The following ANKS1B variants were observed in gnomAD, a reference collection of about 807,000 sequenced individuals.
ANKS1B encodes the protein ankyrin repeat and sterile alpha motif domain-containing protein 1B.
A neutral mutation model predicts 148.3 loss-of-function variants in ANKS1B; 36 were observed. The observed-to-expected ratio is 0.24, with a 90% CI of 0.19 to 0.32. The LOEUF is 0.32. Among genes scored for constraint, ANKS1B ranks in the 10% least tolerant of loss-of-function variants. The pLI, the probability that ANKS1B is intolerant of heterozygous loss-of-function variation, is 1.00. For synonymous variants in ANKS1B, 542 were observed against 560.8 expected (o/e 0.97, Z 0.47); for missense variants, 1,157 against 1,542.6 (o/e 0.75, Z 4.19).
chr12:99,113,793 C>G (rs1386452749), intron 15 of ANKS1B, among the ~76,000 whole-genome samples: 1 of 152,150 alleles, frequency 6.6e-6, no homozygotes, highest in Non-Finnish European at 1.5e-5. Context: ...TGGTGAAACT[C>G]TTATTTTTAA....
chr12:98,887,383 T>C (rs1002307361), intron 17 of ANKS1B, among the ~76,000 whole-genome samples: 1 of 152,204 alleles, frequency 6.6e-6, no homozygotes, highest in Non-Finnish European at 1.5e-5. Flanking sequence ...TATTGTCATA[T>C]TTTTGTAAAA....
intron 9 of ANKS1B, among the ~76,000 whole-genome samples, chr12:99,646,348 A>G (rs1302485203): frequency 2.0e-5 from 3 of 152,196 alleles, no homozygotes; most frequent in African/African-American, 7.2e-5. Flanking sequence ...TTATGTTTGC[A>G]TTGACTTATG....
At chr12:99,524,929 G>C (rs992855364) in intron 9 of ANKS1B, among the ~76,000 whole-genome samples, 2 of 152,196 alleles carry the variant, frequency 1.3e-5, no homozygotes, top group African/African-American at 4.8e-5. Context: ...ATTTGGGTGG[G>C]GACACAGCCA....
At chr12:98,995,671 A>C (rs1188045508) in intron 17 of ANKS1B, among the ~76,000 whole-genome samples, 1 of 152,236 alleles carries the variant, frequency 6.6e-6, no homozygotes, top group Admixed American at 6.5e-5. Context: ...GTATCTAAAT[A>C]TGTAAAACAA....
chr12:98,960,184 T>C (rs1169952949), intron 17 of ANKS1B, among the ~76,000 whole-genome samples: 2 of 152,152 alleles, frequency 1.3e-5, no homozygotes, highest in Non-Finnish European at 2.9e-5. Flanking sequence ...TGAGACCCAA[T>C]GCTGTGCTGA....
chr12:99,585,539 G>A (rs2097625581), intron 9 of ANKS1B, among the ~76,000 whole-genome samples: 1 of 152,156 alleles, frequency 6.6e-6, no homozygotes, highest in Non-Finnish European at 1.5e-5. Context: ...ACTAGGCAGT[G>A]CCCCAGTGCG....
intron 17 of ANKS1B, among the ~76,000 whole-genome samples, chr12:98,932,241 A>G (rs2099814327): frequency 6.6e-6 from 1 of 152,122 alleles, no homozygotes; most frequent in African/African-American, 2.4e-5. Context: ...TCCACCTCTG[A>G]GAATTCTTCA....
chr12:99,548,096 C>T (rs1348032653), intron 9 of ANKS1B, among the ~76,000 whole-genome samples: 1 of 152,140 alleles, frequency 6.6e-6, no homozygotes, highest in Non-Finnish European at 1.5e-5. Context: ...CATTACAGAA[C>T]AATATTGAAT....
chr12:99,076,232 C>T (rs1181131890), intron 16 of ANKS1B, among the ~76,000 whole-genome samples: 2 of 151,984 alleles, frequency 1.3e-5, no homozygotes, highest in South Asian at 2.1e-4. Context: ...CAAACCCAGA[C>T]GAGGGTTGAC....
intron 17 of ANKS1B, among the ~76,000 whole-genome samples, chr12:99,046,269 G>C (rs967166244): frequency 6.6e-6 from 1 of 151,164 alleles, no homozygotes; most frequent in Non-Finnish European, 1.5e-5. Context: ...ATATCTGTAG[G>C]AATAAAAAAA....
chr12:98,986,756 A>G (rs2099923663), intron 17 of ANKS1B, among the ~76,000 whole-genome samples: 1 of 152,136 alleles, frequency 6.6e-6, no homozygotes, highest in Admixed American at 6.5e-5. Flanking sequence ...CTGGGACTAC[A>G]GGTGTGTATC....
intron 11 of ANKS1B, among the ~76,000 whole-genome samples, chr12:99,413,504 T>A (rs12425986): frequency 0.27 from 40,414 of 152,000 alleles, 5,558 homozygotes; most frequent in East Asian, 0.43. Context: ...TTGATTTTTT[T>A]AAAAATCTAC....
At chr12:99,941,479 C>T (rs979898040) in intron 1 of ANKS1B, among the ~76,000 whole-genome samples, 5 of 151,718 alleles carry the variant, frequency 3.3e-5, no homozygotes, top group Non-Finnish European at 5.9e-5. Context: ...AAAAAAATAA[C>T]GACAGGGATA....
chr12:98,772,880 G>T, intron 25 of ANKS1B, 162 bp downstream of exon 25: 1 of 707,438 alleles, frequency 1.4e-6, no homozygotes, highest in Non-Finnish European at 2.2e-6. Context: ...CTCGGTCTGT[G>T]GTACTTTGTT....
At chr12:99,485,651 G>C (rs878987773) in intron 10 of ANKS1B, among the ~76,000 whole-genome samples, 24 of 152,002 alleles carry the variant, frequency 1.6e-4, no homozygotes, top group African/African-American at 5.1e-4. Flanking sequence ...TTCTCTCTCA[G>C]AAATGCCAAT....
chr12:99,655,175 T>A lies in ANKS1B; in HGVS notation c.1164A>T (p.Glu388Asp). The change falls in exon 9 of 27, where the codon GAA becomes GAT. Residue 388 changes from glutamate (E) to aspartate (D), a missense_variant. This residue lies in a region of ANKS1B where 661 missense variants were observed against 642.1 expected (regional missense o/e 1.03). Coordinates refer to ENST00000683438, the MANE Select transcript of ANKS1B (RefSeq NM_001352186.2). ...TTTCATCATCATCCTCTTCTTCCAC[T>A]TCTCCTGGTGACAAATTGATTGTAG... is the stretch of plus-strand genomic sequence containing the variant. ...TSSTINLSPG[E>D]VEEEDDDENT... 1.9e-6 allele frequency: 3 copies of A among 1,611,998 alleles called. No individual in the cohort carries two copies. Among genetic ancestry groups the A allele is most frequent in the Non-Finnish European group, 2.5e-6 (3 of 1,178,764 alleles).
intron 9 of ANKS1B, among the ~76,000 whole-genome samples, chr12:99,599,782 T>C (rs1331795117): frequency 6.6e-6 from 1 of 152,054 alleles, no homozygotes; most frequent in African/African-American, 2.4e-5. Flanking sequence ...CATGCAAATC[T>C]AGAGGTGTCT....
chr12:99,300,964 C>A (rs1330960929), intron 12 of ANKS1B, among the ~76,000 whole-genome samples: 1 of 152,068 alleles, frequency 6.6e-6, no homozygotes, highest in African/African-American at 2.4e-5. Context: ...GCTGAGAAGT[C>A]CCATGAGGTG....
At chr12:99,089,893 G>A (rs1480100228) in intron 15 of ANKS1B, among the ~76,000 whole-genome samples, 2 of 152,168 alleles carry the variant, frequency 1.3e-5, no homozygotes, top group African/African-American at 4.8e-5. Flanking sequence ...AATAAATAAA[G>A]TTGTTTAGTT....
Sources: gnomAD v4.1 joint callset for allele counts (sites outside exome capture counted in the v4.1 genomes callset) on GRCh38, gnomAD v4.1.1 for gene constraint, gnomAD v4.1.1 regional missense constraint, MANE v1.5 for transcripts, NCBI Gene and HGNC (gene_info 2026-07-23, HGNC 2026-07-21) for gene names.